Variants in LRRC73 observed in about 807,000 individuals in gnomAD.
LRRC73 encodes the protein leucine-rich repeat-containing protein 73.
A neutral mutation model predicts 26.4 loss-of-function variants in LRRC73; 16 were observed. The ratio of observed to expected loss-of-function variants is 0.61; its 90% CI spans 0.41 to 0.92. The LOEUF (loss-of-function observed/expected upper bound fraction) is 0.92. Among genes scored for constraint, LRRC73 ranks in the 40% least tolerant of loss-of-function variants. The pLI, the probability that LRRC73 is intolerant of heterozygous loss-of-function variation, is 0.00. For synonymous variants in LRRC73, 210 were observed against 179.8 expected, an observed-to-expected ratio of 1.17 and a Z score of -1.34; for missense variants, 344 against 416.3, an observed-to-expected ratio of 0.83 and a Z score of 1.51.
In LRRC73 at chr6:43,507,935, A is replaced by C. The variant is rs777814342; in HGVS notation, c.557-9T>G. On this transcript the variant is annotated splice_polypyrimidine_tract_variant and intron_variant, in intron 3 of 5. Coordinates refer to ENST00000372441, the Ensembl canonical transcript of LRRC73. ...TCCTGCCACATGGTCACCTGGGGAG[A>C]CAACACACGTGCACACATTCATACA... 1 of 1,611,962 alleles carries C rather than the reference A, an allele frequency of 6.2e-7. No individual in the cohort carries two copies. The highest frequency in any genetic ancestry group is 1.1e-5 in the South Asian group (1 of 90,946).
intron 3 of LRRC73, among the ~76,000 whole-genome samples, 178 bp downstream of exon 3, chr6:43,508,120 G>A (rs1792557450): frequency 6.6e-6 from 1 of 152,244 alleles, no homozygotes; most frequent in African/African-American, 2.4e-5. Flanking sequence ...GGTGGTGACT[G>A]ATGTTTTGAT....
exon 5 of LRRC73, chr6:43,507,469 C>G (rs748915773): frequency 2.5e-6 from 4 of 1,612,996 alleles, no homozygotes; most frequent in Non-Finnish European, 2.5e-6. Context: ...TGGGGCACAT[C>G]CAGGAGCTGC....
rs375969127 is a variant in LRRC73, at chr6:43,508,363, C to A, written c.491G>T (p.Arg164Leu). The change falls in exon 3 of 6, where the codon CGC becomes CTC. Residue 164 changes from arginine to leucine, a missense_variant. Coordinates refer to ENST00000372441, the Ensembl canonical transcript of LRRC73. ...GCTGTGGGCCACGGCAATGGCAAGGCGGCTCCAGCCCTTAGGGGTGATGCC... is the reference window on the plus strand; with the variant it reads ...GCTGTGGGCCACGGCAATGGCAAGGAGGCTCCAGCCCTTAGGGGTGATGCC... The A allele has an allele frequency of 1.2e-6, 2 of 1,613,536 alleles. No homozygotes were observed. The highest frequency in any genetic ancestry group is 2.7e-5 in the African/African-American group (2 of 74,904).
At chr6:43,507,163 G>T in exon 6 of LRRC73, 1 of 1,517,456 alleles carries the variant, frequency 6.6e-7, no homozygotes, top group Non-Finnish European at 9.1e-7. Context: ...AAGTCCCAGG[G>T]CCTGACCCTG....
exon 2 of LRRC73, chr6:43,508,892 C>T: frequency 6.2e-7 from 1 of 1,610,026 alleles, no homozygotes; most frequent in South Asian, 1.1e-5. Flanking sequence ...AAGGCCAGCC[C>T]CGCATCTGTC....
chr6:43,509,660 G>C (rs1429387012), exon 1 of LRRC73: 2 of 1,596,836 alleles, frequency 1.3e-6, no homozygotes, highest in Admixed American at 3.4e-5. Context: ...CAAAGTCGCG[G>C]TCGCAGAGGC....
At chr6:43,507,970 T>C in intron 3 of LRRC73, 44 bp from the exon 4 acceptor site, 1 of 1,533,308 alleles carries the variant, frequency 6.5e-7, no homozygotes, top group Non-Finnish European at 9.0e-7. Flanking sequence ...ACATGCCTGC[T>C]AATCCTTACA....
chr6:43,507,924 C>A lies in LRRC73; in HGVS notation c.559G>T (p.Asp187Tyr). Residue 187 changes from aspartate (D) to tyrosine (Y), a missense_variant and splice_region_variant, in exon 4 of 6, where the codon GAC becomes TAC. Transcript: ENST00000372441. ...ACAGCCAGCATTCCTGCCACATGGT[C>A]ACCTGGGGAGACAACACACGTGCAC... The A allele has an allele frequency of 1.9e-6, 3 of 1,613,680 alleles. No homozygotes were observed. In the South Asian group the frequency reaches 3.3e-5, roughly 18 times the overall value.
chr6:43,508,881 C>T (rs2127681448), exon 2 of LRRC73: 1 of 1,611,800 alleles, frequency 6.2e-7, no homozygotes, highest in East Asian at 2.2e-5. Context: ...CTGGGTTCAG[C>T]AAGGCCAGCC....
Position 43,507,943 on chromosome 6 carries a change from C to T in LRRC73, c.557-17G>A, listed in dbSNP as rs776678926. 9 of 1,606,264 alleles carry T rather than the reference C, an allele frequency of 5.6e-6. No homozygotes were observed. The highest frequency in any genetic ancestry group is 3.3e-5 in the South Asian group (3 of 90,744). On this transcript the variant is annotated splice_polypyrimidine_tract_variant and intron_variant, in intron 3 of 5. Coordinates refer to ENST00000372441, the Ensembl canonical transcript of LRRC73. Reference sequence around the variant, plus strand: ...CATGGTCACCTGGGGAGACAACACACGTGCACACATTCATACACATGCCTG... The same window carrying T: ...CATGGTCACCTGGGGAGACAACACATGTGCACACATTCATACACATGCCTG...
At chr6:43,507,550 TTCC>T (rs754725896) in exon 5 of LRRC73, 5 of 1,613,316 alleles carry the variant, frequency 3.1e-6, no homozygotes, top group South Asian at 1.1e-5. Flanking sequence ...CTCCTGCCAC[TTCC>T]TCCTCCTCCT....
chr6:43,510,309 G>A (rs1792626880), exon 1 of LRRC73: 1 of 152,830 alleles, frequency 6.5e-6, no homozygotes, highest in African/African-American at 2.4e-5. Context: ...AGAGCCTGAG[G>A]CGGGCGGCTG....
intron 1 of LRRC73, 84 bp from the exon 2 acceptor site, chr6:43,509,004 T>A: frequency 7.2e-7 from 1 of 1,389,092 alleles, no homozygotes; most frequent in Non-Finnish European, 9.5e-7. Flanking sequence ...CTGTCAGCCC[T>A]AGGTATGGGG....
chr6:43,507,361 C>A, intron 5 of LRRC73, 53 bp from the exon 6 acceptor site: 1 of 1,610,416 alleles, frequency 6.2e-7, no homozygotes, highest in African/African-American at 1.3e-5. Flanking sequence ...CCAATGGGGA[C>A]CACAGATAGG....
At chr6:43,510,327 C>G (rs1792627870) in exon 1 of LRRC73, 1 of 152,598 alleles carries the variant, frequency 6.6e-6, no homozygotes, top group Non-Finnish European at 1.5e-5. Flanking sequence ...CTGGCGGCAG[C>G]TCCGGCTCCA....
At position 43,508,746 on chromosome 6, in the gene LRRC73, A is replaced by AGATTT; in HGVS notation, c.433+13_433+14insAAATC. 6.3e-7 allele frequency: 1 copy of AGATTT among 1,593,580 alleles called. No individual in the cohort carries two copies. The highest frequency in any genetic ancestry group is 8.6e-7 in the Non-Finnish European group (1 of 1,168,120). ...TGCCACACTAGCCCAAGCCCTCAAC[A>AGATTT]GGGTCCTGCTCACCAGATTTGGCCC... On this transcript the variant is annotated intron_variant, in intron 2 of 5. Coordinates refer to ENST00000372441, the Ensembl canonical transcript of LRRC73.
chr6:43,508,991 C>T, intron 1 of LRRC73, 71 bp from the exon 2 acceptor site: 4 of 1,422,724 alleles, frequency 2.8e-6, no homozygotes, highest in South Asian at 1.5e-5. Flanking sequence ...GGCACTTTCA[C>T]TTCTGTCAGC....
exon 1 of LRRC73, chr6:43,509,925 T>C (rs985365720): frequency 6.7e-6 from 4 of 596,436 alleles, no homozygotes; most frequent in South Asian, 1.4e-4. Flanking sequence ...GCGGCGGCTG[T>C]GGCGGAGGCT....
chr6:43,507,060 T>C (rs1183739099), exon 6 of LRRC73: 1 of 652,418 alleles, frequency 1.5e-6, no homozygotes, highest in East Asian at 2.8e-5. Context: ...CCCCCAAGGC[T>C]GTTGCTCAGT....
Sources: allele counts gnomAD v4.1 joint callset (sites outside exome capture counted in the v4.1 genomes callset), GRCh38; gene constraint gnomAD v4.1.1; transcripts MANE v1.5; gene names NCBI Gene and HGNC (gene_info 2026-07-23, HGNC 2026-07-21).